Variants in SNX13 observed in about 807,000 individuals in gnomAD.
SNX13 encodes sorting nexin-13.
In SNX13, 45 loss-of-function variants were observed where a neutral mutation model predicts 133.6. The observed-to-expected ratio is 0.34, with a 90% CI of 0.27 to 0.43. The LOEUF is 0.43. Among genes scored for constraint, SNX13 ranks in the 20% least tolerant of loss-of-function variants. The probability of loss-of-function intolerance (pLI) is 1.00; values close to 1 mark genes in which losing one functional copy is unlikely to be tolerated. For missense variants in SNX13, 1,032 were observed against 1,145.1 expected (o/e 0.90, Z 1.43); for synonymous variants, 414 against 373.9 (o/e 1.11, Z -1.24).
intron 5 of SNX13, chr7:17,881,387 G>A (rs1288529528): frequency 2.0e-5 from 3 of 151,860 alleles, no homozygotes; most frequent in African/African-American, 7.3e-5. Context: ...TTAAAGGTAT[G>A]TTAATAAGAT....
At chr7:17,913,760 C>CAAAAAAAAAAAAAA (rs71010278) in intron 1 of SNX13, among the ~76,000 whole-genome samples, 93 of 53,886 alleles carry the variant, frequency 1.7e-3, no homozygotes, top group Non-Finnish European at 2.0e-3. Flanking sequence ...TTAACAAAAA[C>CAAAAAAAAAAAAAA]AAAAAAAAAA....
chr7:17,872,061 C>T (rs916394302), intron 8 of SNX13, among the ~76,000 whole-genome samples: 1 of 152,148 alleles, frequency 6.6e-6, no homozygotes, highest in Non-Finnish European at 1.5e-5. Flanking sequence ...GTGGTGATTT[C>T]AAGAGGGCAG....
At chr7:17,904,139 T>A (rs1660672810) in intron 1 of SNX13, among the ~76,000 whole-genome samples, 1 of 152,238 alleles carries the variant, frequency 6.6e-6, no homozygotes, top group Non-Finnish European at 1.5e-5. Context: ...CAAGGCGTAC[T>A]GACATTTATC....
In SNX13 at chr7:17,809,942, A is replaced by C. The variant is rs1469845267; in HGVS notation, c.2064+4892T>G. 2.6e-5 allele frequency among the ~76,000 whole-genome samples: 4 copies of C among 152,230 alleles called. No homozygotes were observed. The South Asian group carries it at 8.3e-4, about 31-fold the overall frequency. On this transcript the variant is annotated intron_variant, in intron 20 of 25. Coordinates refer to ENST00000428135, the MANE Select transcript of SNX13 (RefSeq NM_015132.5). The stretch of plus-strand genomic sequence containing the variant: ...ACTAATGAGAACAAAGATGCAACAT[A>C]CCAGAATCTCTGGGACACAGCTAAA...
chr7:17,911,150 T>C (rs1160521902), intron 1 of SNX13, among the ~76,000 whole-genome samples: 2 of 152,194 alleles, frequency 1.3e-5, no homozygotes, highest in African/African-American at 2.4e-5. Context: ...TACTTTTTGT[T>C]GACCTCTCCA....
At chr7:17,870,908 G>A (rs1304842191) in intron 8 of SNX13, among the ~76,000 whole-genome samples, 2 of 152,168 alleles carry the variant, frequency 1.3e-5, no homozygotes, top group African/African-American at 4.8e-5. Context: ...TATAGATTGG[G>A]TGGTCAGGGA....
intron 8 of SNX13, among the ~76,000 whole-genome samples, chr7:17,872,171 G>A (rs1354871143): frequency 1.3e-5 from 2 of 152,172 alleles, no homozygotes; most frequent in Non-Finnish European, 1.5e-5. Flanking sequence ...AGTAACGGAT[G>A]AGCAAGAAAA....
At chr7:17,931,248 C>T (rs964298842) in intron 1 of SNX13, among the ~76,000 whole-genome samples, 1 of 152,108 alleles carries the variant, frequency 6.6e-6, no homozygotes, top group Non-Finnish European at 1.5e-5. Context: ...TCTGAGAAAA[C>T]AAGCTATCTC....
At chr7:17,859,652 T>C (rs1442864542) in intron 9 of SNX13, among the ~76,000 whole-genome samples, 1 of 152,128 alleles carries the variant, frequency 6.6e-6, no homozygotes, top group Non-Finnish European at 1.5e-5. Flanking sequence ...ACTGAAACTC[T>C]AGATCCACTG....
At chr7:17,888,852 G>T (rs889680085) in intron 5 of SNX13, 6 of 391,890 alleles carry the variant, frequency 1.5e-5, no homozygotes, top group South Asian at 7.7e-5. Flanking sequence ...AAAAACCAAG[G>T]TTCAGAGTTT....
chr7:17,890,529 T>TA (rs1301047233), intron 4 of SNX13, 45 bp from the exon 5 acceptor site: 1 of 1,465,812 alleles, frequency 6.8e-7, no homozygotes, highest in East Asian at 2.4e-5. Context: ...TTTTAGGATT[T>TA]AAAAAGTTAC....
At chr7:17,917,504 C>T (rs574266117) in intron 1 of SNX13, among the ~76,000 whole-genome samples, 2 of 152,094 alleles carry the variant, frequency 1.3e-5, no homozygotes, top group South Asian at 2.1e-4. Context: ...AGACCAATAA[C>T]ATTCAAGCCA....
intron 18 of SNX13, among the ~76,000 whole-genome samples, chr7:17,816,839 G>A (rs1448989312): frequency 6.6e-6 from 1 of 152,146 alleles, no homozygotes; most frequent in Non-Finnish European, 1.5e-5. Context: ...CATAAATGAT[G>A]AAGATGGATT....
At chr7:17,821,429 T>C in intron 18 of SNX13, 80 bp downstream of exon 18, 1 of 1,333,446 alleles carries the variant, frequency 7.5e-7, no homozygotes. Flanking sequence ...TTAATCACTC[T>C]ATCTGGGCAT....
intron 3 of SNX13, 81 bp from the exon 4 acceptor site, chr7:17,891,716 G>A: frequency 2.3e-6 from 2 of 868,130 alleles, no homozygotes; most frequent in Non-Finnish European, 3.7e-6. Context: ...AATACTCAAT[G>A]TAACATCCCT....
intron 9 of SNX13, among the ~76,000 whole-genome samples, chr7:17,862,520 G>A (rs1295331375): frequency 6.6e-6 from 1 of 152,016 alleles, no homozygotes; most frequent in Non-Finnish European, 1.5e-5. Context: ...TCATTAATAA[G>A]TATATTTTTC....
At chr7:17,871,811 A>G (rs1345727924) in intron 8 of SNX13, among the ~76,000 whole-genome samples, 1 of 152,128 alleles carries the variant, frequency 6.6e-6, no homozygotes, top group Non-Finnish European at 1.5e-5. Context: ...TTTTTACTAC[A>G]CTTACTGTCC....
chr7:17,911,541 A>G (rs1262053751), intron 1 of SNX13, among the ~76,000 whole-genome samples: 1 of 151,938 alleles, frequency 6.6e-6, no homozygotes, highest in Non-Finnish European at 1.5e-5. Context: ...CTGGAGGCTA[A>G]GGCAGGAGAA....
chr7:17,892,572 G>C (rs910457212), intron 3 of SNX13, among the ~76,000 whole-genome samples: 5 of 151,452 alleles, frequency 3.3e-5, no homozygotes, highest in Admixed American at 3.3e-4. Context: ...AAAAGTTTAA[G>C]TATTAAAAAA....
Sources: allele counts gnomAD v4.1 joint callset (sites outside exome capture counted in the v4.1 genomes callset), GRCh38; gene constraint gnomAD v4.1.1; transcripts MANE v1.5; gene names NCBI Gene and HGNC (gene_info 2026-07-23, HGNC 2026-07-21).